Variants in GSE1 observed in about 807,000 individuals in gnomAD.
The protein encoded by GSE1 is genetic suppressor element 1.
A neutral mutation model predicts 112.6 loss-of-function variants in GSE1; 32 were observed. That is an observed-to-expected ratio of 0.28 (90% CI 0.21 to 0.38). The LOEUF is 0.38. Among genes scored for constraint, GSE1 ranks in the 10% least tolerant of loss-of-function variants. The pLI is 1.00. For missense variants in GSE1, 2,348 were observed against 1,699.2 expected, an observed-to-expected ratio of 1.38 and a Z score of -6.71; for synonymous variants, 1,115 against 735.6, an observed-to-expected ratio of 1.52 and a Z score of -8.35.
intron 2 of GSE1, among the ~76,000 whole-genome samples, chr16:85,430,567 C>T (rs1295967824): frequency 6.6e-6 from 1 of 152,188 alleles, no homozygotes; most frequent in Non-Finnish European, 1.5e-5. Flanking sequence ...GAGGGGTGAG[C>T]ATGGAGCCAC....
At chr16:85,630,686 G>T (rs956786107) in intron 1 of GSE1, among the ~76,000 whole-genome samples, 1 of 152,174 alleles carries the variant, frequency 6.6e-6, no homozygotes, top group Non-Finnish European at 1.5e-5. Flanking sequence ...GACCATTCAC[G>T]CCTTCTGATC....
At chr16:85,280,289 G>A (rs2044819479) in intron 1 of GSE1, among the ~76,000 whole-genome samples, 1 of 152,172 alleles carries the variant, frequency 6.6e-6, no homozygotes, top group Non-Finnish European at 1.5e-5. Context: ...TACCAGTCCA[G>A]GGTGAGGCTT....
rs556313521 is a variant in GSE1, at chr16:85,372,548, G to A, written c.2464+14905G>A. Reference sequence around the variant, plus strand: ...TATGGCAAGCACACATTAGCAAGTAGTGCGCACCTCGTGCCCTTCTGCACG... The same window carrying A: ...TATGGCAAGCACACATTAGCAAGTAATGCGCACCTCGTGCCCTTCTGCACG... On this transcript the variant is annotated intron_variant, in intron 2 of 2. Transcript: ENST00000637419. 6.3e-4 allele frequency among the ~76,000 whole-genome samples: 95 copies of A among 151,172 alleles called. 2 individuals are homozygous for A. The South Asian group carries it at 0.019, about 31-fold the overall frequency.
intron 2 of GSE1, among the ~76,000 whole-genome samples, chr16:85,358,648 C>T (rs868373359): frequency 7.2e-5 from 11 of 152,310 alleles, no homozygotes; most frequent in Non-Finnish European, 1.3e-4. Flanking sequence ...TGCAGGGCAA[C>T]CCCAATACCG....
chr16:85,240,817 TG>T (rs1406197956), intron 1 of GSE1, among the ~76,000 whole-genome samples: 1 of 152,114 alleles, frequency 6.6e-6, no homozygotes, highest in East Asian at 1.9e-4. Context: ...GGTGCTGGGT[TG>T]GGGGGTCCCA....
intron 1 of GSE1, among the ~76,000 whole-genome samples, chr16:85,313,947 T>TGTGTGA (rs1555560366): frequency 7.3e-6 from 1 of 137,444 alleles, no homozygotes; most frequent in African/African-American, 3.2e-5. Flanking sequence ...TGTGTGTGTG[T>TGTGTGA]GACATAGCCT....
chr16:85,537,352 CAG>C (rs1041732841), intron 2 of GSE1, among the ~76,000 whole-genome samples: 30 of 152,308 alleles, frequency 2.0e-4, no homozygotes, highest in Admixed American at 4.6e-4. Flanking sequence ...ACAGTGGAGA[CAG>C]GGGGATCTCT....
chr16:85,598,920 G>C (rs1285562013), intron 1 of GSE1, among the ~76,000 whole-genome samples: 1 of 152,186 alleles, frequency 6.6e-6, no homozygotes, highest in East Asian at 1.9e-4. Flanking sequence ...TTGGAGCATC[G>C]GGGCAGTGGT....
At chr16:85,474,414 G>A (rs1021903945) in intron 2 of GSE1, among the ~76,000 whole-genome samples, 2 of 152,168 alleles carry the variant, frequency 1.3e-5, no homozygotes, top group African/African-American at 4.8e-5. Context: ...GAGGTGCACG[G>A]AGGGAGGCGG....
chr16:85,305,529 G>A (rs1410443338), intron 1 of GSE1, among the ~76,000 whole-genome samples: 1 of 152,022 alleles, frequency 6.6e-6, no homozygotes, highest in Non-Finnish European at 1.5e-5. Flanking sequence ...CACCCAGGCT[G>A]GAGTGCAGTG....
intron 1 of GSE1, among the ~76,000 whole-genome samples, chr16:85,572,439 AAC>A (rs1472034256): frequency 7.3e-6 from 1 of 136,086 alleles, no homozygotes; most frequent in East Asian, 2.3e-4. Context: ...CAGCACATAC[AAC>A]ACACAGCACA....
chr16:85,195,816 C>T (rs1188483165), intron 1 of GSE1, among the ~76,000 whole-genome samples: 1 of 152,136 alleles, frequency 6.6e-6, no homozygotes, highest in Non-Finnish European at 1.5e-5. Flanking sequence ...AGTCAGCAGC[C>T]TAATTCCATT....
chr16:85,641,541 C>T (rs1454684384), intron 2 of GSE1, among the ~76,000 whole-genome samples: 2 of 152,242 alleles, frequency 1.3e-5, no homozygotes, highest in East Asian at 1.9e-4. Context: ...TGGTCTCCTG[C>T]TTCTCCCTGG....
intron 1 of GSE1, among the ~76,000 whole-genome samples, chr16:85,600,974 G>A (rs1205842360): frequency 1.3e-5 from 2 of 151,316 alleles, no homozygotes; most frequent in African/African-American, 4.9e-5. Context: ...GCAACCCCTC[G>A]GTGGGAGGAG....
chr16:85,496,665 A>C (rs2051189089), intron 2 of GSE1, among the ~76,000 whole-genome samples: 1 of 152,124 alleles, frequency 6.6e-6, no homozygotes, highest in Non-Finnish European at 1.5e-5. Flanking sequence ...ACATATAGAG[A>C]GCGCTCAGGA....
At chr16:85,641,876 C>G (rs1307128368) in intron 2 of GSE1, among the ~76,000 whole-genome samples, 1 of 152,256 alleles carries the variant, frequency 6.6e-6, no homozygotes, top group African/African-American at 2.4e-5. Context: ...TGGACCTCCT[C>G]TGGCCGGGCT....
At chr16:85,258,975 GCTTCTGGGAGGCTT>G (rs955090596) in intron 1 of GSE1, among the ~76,000 whole-genome samples, 7 of 152,332 alleles carry the variant, frequency 4.6e-5, no homozygotes, top group East Asian at 1.9e-4. Flanking sequence ...TGGGGGCTGA[GCTTCTGGGAGGCTT>G]CTTCTGGGAG....
intron 9 of GSE1, 129 bp from the exon 10 acceptor site, chr16:85,662,852 G>T (rs890348393): frequency 4.6e-6 from 3 of 656,270 alleles, no homozygotes; most frequent in Non-Finnish European, 8.1e-6. Context: ...AAAGGAACTG[G>T]CCTTCAGGGT....
intron 2 of GSE1, among the ~76,000 whole-genome samples, chr16:85,409,804 GC>G (rs1230595683): frequency 8.7e-5 from 1 of 11,432 alleles, no homozygotes; most frequent in African/African-American, 3.6e-4. Flanking sequence ...TACACTCAGG[GC>G]CCCCCTGGAT....
Sources: gnomAD v4.1 joint callset for allele counts (sites outside exome capture counted in the v4.1 genomes callset) on GRCh38, gnomAD v4.1.1 for gene constraint, MANE v1.5 for transcripts, NCBI Gene and HGNC (gene_info 2026-07-23, HGNC 2026-07-21) for gene names.